Variants in ELF5 observed in about 807,000 individuals in gnomAD.
The protein encoded by ELF5 is E74 like ETS transcription factor 5, also known as ETS-related transcription factor Elf-5.
ELF5 carries 31 observed loss-of-function variants against 38.2 expected under a neutral mutation model. That is an observed-to-expected ratio of 0.81 (90% CI 0.61 to 1.10). The LOEUF (loss-of-function observed/expected upper bound fraction) is 1.10, where lower values mean the gene tolerates loss of function less well. ELF5 is among the 50% of genes least tolerant of loss of function. The pLI, the probability that ELF5 is intolerant of heterozygous loss-of-function variation, is 0.00. For synonymous variants in ELF5, 121 were observed against 112.5 expected (o/e 1.08, Z -0.48); for missense variants, 300 against 306.6 (o/e 0.98, Z 0.16).
intron 1 of ELF5, among the ~76,000 whole-genome samples, chr11:34,510,144 T>C (rs1371119228): frequency 6.6e-6 from 1 of 152,222 alleles, no homozygotes; most frequent in Non-Finnish European, 1.5e-5. Flanking sequence ...ATCTCTCTAG[T>C]GCTATACACA....
At chr11:34,485,484 C>A (rs1319383700) in intron 4 of ELF5, among the ~76,000 whole-genome samples, 1 of 152,184 alleles carries the variant, frequency 6.6e-6, no homozygotes, top group Admixed American at 6.5e-5. Context: ...TGTGAATAGA[C>A]AACAAGCGTT....
intron 4 of ELF5, among the ~76,000 whole-genome samples, chr11:34,487,670 C>T (rs961715958): frequency 6.6e-6 from 1 of 152,136 alleles, no homozygotes; most frequent in South Asian, 2.1e-4. Flanking sequence ...GCTCCCACCC[C>T]TCCTTCTGCT....
chr11:34,496,521 A>G (rs1267277507), intron 2 of ELF5, among the ~76,000 whole-genome samples: 1 of 152,184 alleles, frequency 6.6e-6, no homozygotes, highest in East Asian at 1.9e-4. Context: ...CACGGCCCAG[A>G]GTCTTCCCAC....
In ELF5 at chr11:34,505,652, T is replaced by C. The variant is rs758730793; in HGVS notation, c.98A>G (p.Tyr33Cys). The change falls in exon 2 of 7, where the codon TAC becomes TGC. Residue 33 changes from tyrosine (Y) to cysteine (C), a missense_variant. Tyr to Cys is a radical substitution (Grantham distance 194). Transcript: ENST00000257832. ...ACCTGTCTGATGCTCAAAGGCAGGG[T>C]AGTACTCTTCATTGCTGAACAGATC... Reference protein sequence around the residue: ...WTDLFSNEEYYPAFEHQTACD... With the variant: ...WTDLFSNEEYCPAFEHQTACD... The C allele has an allele frequency of 6.2e-7, 1 of 1,613,928 alleles. No individual in the cohort carries two copies. Among genetic ancestry groups the C allele is most frequent in the South Asian group, 1.1e-5 (1 of 91,048 alleles).
intron 3 of ELF5, chr11:34,493,202 A>C (rs577198057): frequency 1.7e-6 from 1 of 591,482 alleles, no homozygotes; most frequent in African/African-American, 1.9e-5. Context: ...ATACTGTATT[A>C]TTATCAGCCT....
intron 4 of ELF5, among the ~76,000 whole-genome samples, chr11:34,489,134 C>T (rs942223): frequency 0.29 from 44,105 of 152,202 alleles, 7,097 homozygotes; most frequent in East Asian, 0.45. Flanking sequence ...ACGAACTGGC[C>T]ATTCCTGTGC....
chr11:34,495,988 G>A (rs1011455298), intron 2 of ELF5, among the ~76,000 whole-genome samples: 1 of 152,150 alleles, frequency 6.6e-6, no homozygotes, highest in African/African-American at 2.4e-5. Context: ...GATGGCCATC[G>A]GTGTGCGGCC....
intron 1 of ELF5, among the ~76,000 whole-genome samples, chr11:34,510,720 T>C (rs1205911842): frequency 3.3e-5 from 5 of 152,212 alleles, no homozygotes; most frequent in African/African-American, 1.2e-4. Context: ...TGTTTTATCA[T>C]GCTCCAAAGG....
intron 2 of ELF5, among the ~76,000 whole-genome samples, chr11:34,504,425 G>T (rs975632649): frequency 4.6e-5 from 7 of 152,196 alleles, no homozygotes; most frequent in Non-Finnish European, 7.3e-5. Flanking sequence ...ACGCGTGTGT[G>T]TATGTGTGTC....
chr11:34,493,240 GTCCGTTTTTCTTTC>G (rs1234604937), intron 3 of ELF5: 1 of 600,200 alleles, frequency 1.7e-6, no homozygotes, highest in East Asian at 2.8e-5. Flanking sequence ...TGAACGTGGT[GTCCGTTTTTCTTTC>G]TCTTTTTTTA....
chr11:34,496,642 C>T (rs985420187), intron 2 of ELF5, among the ~76,000 whole-genome samples: 5 of 152,178 alleles, frequency 3.3e-5, no homozygotes, highest in Non-Finnish European at 5.9e-5. Context: ...GAGTGCCCAT[C>T]AGGCGTCCTC....
chr11:34,488,624 T>A (rs1407048115), intron 4 of ELF5, among the ~76,000 whole-genome samples: 3 of 152,240 alleles, frequency 2.0e-5, no homozygotes, highest in African/African-American at 7.2e-5. Flanking sequence ...TGGCTAGTTA[T>A]ATATTCAGGT....
chr11:34,487,379 C>G (rs987121455), intron 4 of ELF5, among the ~76,000 whole-genome samples: 1 of 152,096 alleles, frequency 6.6e-6, no homozygotes, highest in African/African-American at 2.4e-5. Context: ...TAGCCCAGAG[C>G]CCTTGCCCCA....
At chr11:34,483,834 C>T (rs1480217394) in intron 4 of ELF5, among the ~76,000 whole-genome samples, 1 of 149,364 alleles carries the variant, frequency 6.7e-6, no homozygotes, top group Non-Finnish European at 1.5e-5. Flanking sequence ...TATCATACTG[C>T]ACTGTTCTGT....
chr11:34,511,877 AAAAATTGGCC>A, intron 1 of ELF5: 1 of 415,512 alleles, frequency 2.4e-6, no homozygotes, highest in Non-Finnish European at 4.4e-6. Context: ...GCATGTGACC[AAAAATTGGCC>A]CAATTAAGCA....
chr11:34,482,279 C>A, intron 5 of ELF5, 152 bp downstream of exon 5: 1 of 697,350 alleles, frequency 1.4e-6, no homozygotes, highest in Non-Finnish European at 2.5e-6. Flanking sequence ...TTTGATAATA[C>A]GTATAAAAGC....
intron 1 of ELF5, among the ~76,000 whole-genome samples, chr11:34,512,299 C>T (rs115255822): frequency 2.0e-3 from 310 of 152,214 alleles, no homozygotes; most frequent in African/African-American, 5.5e-3. Context: ...TTCTTTAGCT[C>T]GCTTAGGGAG....
chr11:34,505,511 C>T (rs1850589042), intron 2 of ELF5, 118 bp downstream of exon 2: 3 of 1,490,568 alleles, frequency 2.0e-6, no homozygotes, highest in Non-Finnish European at 2.7e-6. Context: ...AGCCCTCTGC[C>T]CTGAACTCTG....
At chr11:34,495,691 TGTC>T (rs1271736540) in intron 2 of ELF5, among the ~76,000 whole-genome samples, 1 of 152,236 alleles carries the variant, frequency 6.6e-6, no homozygotes, top group Non-Finnish European at 1.5e-5. Flanking sequence ...TTGAGGCTGA[TGTC>T]GTAGCCTCTA....
Sources: allele counts gnomAD v4.1 joint callset (sites outside exome capture counted in the v4.1 genomes callset), GRCh38; gene constraint gnomAD v4.1.1; transcripts MANE v1.5; gene names NCBI Gene and HGNC (gene_info 2026-07-23, HGNC 2026-07-21).